Variants in VCAN observed in about 807,000 individuals in gnomAD.
VCAN encodes the protein versican.
A neutral mutation model predicts 245.5 loss-of-function variants in VCAN; 44 were observed. The ratio of observed to expected loss-of-function variants is 0.18; its 90% CI spans 0.14 to 0.23. The LOEUF (loss-of-function observed/expected upper bound fraction) is 0.23. Among genes scored for constraint, VCAN ranks in the 10% least tolerant of loss-of-function variants. The probability of loss-of-function intolerance (pLI) is 1.00; values close to 1 mark genes in which losing one functional copy is unlikely to be tolerated. For synonymous variants in VCAN, 1,413 were observed against 1,437.0 expected, an observed-to-expected ratio of 0.98 and a Z score of 0.38; for missense variants, 3,793 against 4,057.9, an observed-to-expected ratio of 0.93 and a Z score of 1.77.
At position 83,520,631 on chromosome 5, in the gene VCAN, T is replaced by C; in HGVS notation, c.2325T>C (p.Gly775=). The change falls in exon 7 of 15, where the codon GGT becomes GGC. Residue 775 remains glycine (G), a synonymous_variant. Transcript: ENST00000265077. The stretch of plus-strand genomic sequence containing the variant: ...AGGAAGACTTTACAGCAACTCCAGG[T>C]ACTACAAAATATGATGAAAATATTA... ...DMEEDFTATP[G]TTKYDENITT... The C allele has an allele frequency of 6.2e-7, 1 of 1,613,990 alleles. No homozygotes were observed.
chr5:83,566,576 C>T (rs995850667), intron 12 of VCAN, among the ~76,000 whole-genome samples: 2 of 152,144 alleles, frequency 1.3e-5, no homozygotes, highest in African/African-American at 4.8e-5. Context: ...TCCCCACCCA[C>T]CATCATCTTT....
At chr5:83,510,867 C>T (rs1035182885) in intron 5 of VCAN, among the ~76,000 whole-genome samples, 1 of 152,104 alleles carries the variant, frequency 6.6e-6, no homozygotes, top group African/African-American at 2.4e-5. Context: ...ACCAATCTCA[C>T]CACTTTGGGA....
intron 1 of VCAN, among the ~76,000 whole-genome samples, chr5:83,476,982 A>G (rs1254404800): frequency 1.3e-5 from 2 of 152,272 alleles, no homozygotes; most frequent in South Asian, 2.1e-4. Flanking sequence ...GATAAATTAT[A>G]ATCTTTTTAT....
At chr5:83,547,670 A>G (rs1026467381) in intron 9 of VCAN, among the ~76,000 whole-genome samples, 4 of 152,124 alleles carry the variant, frequency 2.6e-5, no homozygotes, top group African/African-American at 4.8e-5. Flanking sequence ...TTTATCAGCA[A>G]TGGAGACAAT....
chr5:83,519,590 C>A lies in VCAN; in HGVS notation c.1284C>A (p.Gly428=), dbSNP rs1448322066. ...CCACCAAATTACCCACACCTACTGG[C>A]AGTACCAAGAAGCCCTGGGATATGG... ...SLATKLPTPT[G]STKKPWDMDD... The change falls in exon 7 of 15, where the codon GGC becomes GGA. Residue 428 remains glycine (G), a synonymous_variant. Transcript: ENST00000265077. 4 of 1,614,012 alleles carry A rather than the reference C, an allele frequency of 2.5e-6. 1 individual carries two copies. The South Asian group carries it at 4.4e-5, about 18-fold the overall frequency.
Position 83,521,848 on chromosome 5 carries a change from G to T in VCAN, c.3542G>T (p.Gly1181Val). 1 of 1,614,076 alleles carries T rather than the reference G, an allele frequency of 6.2e-7. No homozygotes were observed. The highest frequency in any genetic ancestry group is 8.5e-7 in the Non-Finnish European group (1 of 1,180,004). Residue 1181 changes from glycine to valine, a missense_variant, in exon 7 of 15, where the codon GGC (glycine) becomes GTC (valine). Gly to Val is a moderately radical substitution (Grantham distance 109). Transcript: ENST00000265077. ...EKTSLEDIDLGSGLFEKPKAT... is the reference protein window; with the variant it reads ...EKTSLEDIDLVSGLFEKPKAT... ...ACATCCCTAGAGGATATTGATTTAG[G>T]CTCAGGATTATTTGAAAAGCCCAAA...
Position 83,520,633 on chromosome 5 carries a change from C to A in VCAN, c.2327C>A (p.Thr776Asn). 6.2e-7 allele frequency: 1 copy of A among 1,613,940 alleles called. No individual in the cohort carries two copies. The highest frequency in any genetic ancestry group is 1.1e-5 in the South Asian group (1 of 91,076). Reference protein sequence around the residue: ...MEEDFTATPGTTKYDENITTV... With the variant: ...MEEDFTATPGNTKYDENITTV... ...GAAGACTTTACAGCAACTCCAGGTACTACAAAATATGATGAAAATATTACA... is the reference window on the plus strand; with the variant it reads ...GAAGACTTTACAGCAACTCCAGGTAATACAAAATATGATGAAAATATTACA... Residue 776 changes from threonine (T) to asparagine (N), a missense_variant, in exon 7 of 15, where the codon ACT becomes AAT. By Grantham distance (65) the Thr-to-Asn change is moderately conservative. Coordinates refer to ENST00000265077, the MANE Select transcript of VCAN (RefSeq NM_004385.5).
chr5:83,484,781 GA>G (rs1271029217), intron 2 of VCAN, among the ~76,000 whole-genome samples: 8 of 152,284 alleles, frequency 5.3e-5, no homozygotes, highest in East Asian at 1.9e-4. Flanking sequence ...ACATAAAACA[GA>G]GTGACATCAT....
chr5:83,479,359 C>T (rs1186112167), intron 1 of VCAN, among the ~76,000 whole-genome samples: 2 of 151,986 alleles, frequency 1.3e-5, no homozygotes, highest in African/African-American at 4.8e-5. Flanking sequence ...GGAGGCTGCC[C>T]ATCCCTGGTG....
In VCAN at chr5:83,579,688, A is replaced by C. The variant is rs114390252; in HGVS notation, c.9881-292A>C. Among the ~76,000 whole-genome samples, 1,153 of 152,238 alleles carry C rather than the reference A, an allele frequency of 7.6e-3. 21 individuals are homozygous for C. The highest frequency in any genetic ancestry group is 0.027 in the African/African-American group (1,112 of 41,516). On this transcript the variant is annotated intron_variant, in intron 13 of 14. Transcript: ENST00000265077. ...AAGACAGTATGCTTTTTAATTTGGA[A>C]ATTTTGTCAGAATAGTGGCCCTTCC...
Position 83,507,179 on chromosome 5 carries a change from T to C in VCAN, c.749-4924T>C, listed in dbSNP as rs558747412. ...GCTCTAATTACAACTTTGATAATTGTCCTATCAATTTAGCTGCTTTGATGA... is the reference window on the plus strand; with the variant it reads ...GCTCTAATTACAACTTTGATAATTGCCCTATCAATTTAGCTGCTTTGATGA... On this transcript the variant is annotated intron_variant, in intron 5 of 14. Coordinates refer to ENST00000265077, the MANE Select transcript of VCAN (RefSeq NM_004385.5). 4.1e-4 allele frequency among the ~76,000 whole-genome samples: 63 copies of C among 152,346 alleles called. No individual in the cohort carries two copies. In the South Asian group the frequency reaches 4.4e-3, roughly 11 times the overall value.
intron 10 of VCAN, among the ~76,000 whole-genome samples, chr5:83,549,529 A>G (rs368043857): frequency 6.6e-5 from 10 of 152,334 alleles, no homozygotes; most frequent in African/African-American, 2.4e-4. Context: ...GTTTCTCTGA[A>G]TATCTTCACA....
rs73769483 is a variant in VCAN, at chr5:83,578,805, A to G, written c.9881-1175A>G. ...TTTCCACTTAGGGAAAATTATATTT[A>G]AGTTACATTTGTATTAAAGATATAT... On this transcript the variant is annotated intron_variant, in intron 13 of 14. Coordinates refer to ENST00000265077, the MANE Select transcript of VCAN (RefSeq NM_004385.5). Among the ~76,000 whole-genome samples the G allele has an allele frequency of 1.2e-3, 182 of 152,302 alleles. 1 individual carries two copies. Among genetic ancestry groups the G allele is most frequent in the African/African-American group, 3.9e-3 (162 of 41,554 alleles).
chr5:83,502,558 A>G (rs954098501), intron 5 of VCAN, among the ~76,000 whole-genome samples: 4 of 152,248 alleles, frequency 2.6e-5, no homozygotes, highest in Non-Finnish European at 5.9e-5. Context: ...AATGGGAAAG[A>G]ATGAGTCCAA....
At chr5:83,533,283 G>T (rs527277343) in intron 7 of VCAN, among the ~76,000 whole-genome samples, 3 of 152,086 alleles carry the variant, frequency 2.0e-5, no homozygotes, top group Non-Finnish European at 4.4e-5. Flanking sequence ...GGTGGAGAAA[G>T]GAATCCTAAT....
At chr5:83,576,589 A>G (rs183200555) in intron 13 of VCAN, among the ~76,000 whole-genome samples, 1 of 152,242 alleles carries the variant, frequency 6.6e-6, no homozygotes, top group Admixed American at 6.5e-5. Context: ...TATTTCCAGG[A>G]GTGAAGTTGC....
chr5:83,528,067 G>T (rs1314900210), intron 7 of VCAN, among the ~76,000 whole-genome samples: 1 of 152,164 alleles, frequency 6.6e-6, no homozygotes, highest in South Asian at 2.1e-4. Context: ...ATTAAAGGTG[G>T]TCATAAAAGA....
chr5:83,518,246 TA>T (rs948252292), intron 6 of VCAN, among the ~76,000 whole-genome samples: 3 of 149,580 alleles, frequency 2.0e-5, no homozygotes, highest in Non-Finnish European at 3.0e-5. Context: ...ATTTTTATTT[TA>T]AAAAAACAAT....
rs148533391 is a variant in VCAN at position 83,490,824 on chromosome 5, T to G, written c.445+352T>G. Among the ~76,000 whole-genome samples the G allele has an allele frequency of 4.6e-5, 7 of 152,350 alleles. No homozygotes were observed. In the East Asian group the frequency reaches 1.3e-3, roughly 29 times the overall value. ...AGGCGAATCTACATTTTAAAAATTA[T>G]TACATATGTGTGTATGCACATGTAC... On this transcript the variant is annotated intron_variant, in intron 3 of 14. Coordinates refer to ENST00000265077, the MANE Select transcript of VCAN (RefSeq NM_004385.5).
Sources: allele counts gnomAD v4.1 joint callset (sites outside exome capture counted in the v4.1 genomes callset), GRCh38; gene constraint gnomAD v4.1.1; transcripts MANE v1.5; gene names NCBI Gene and HGNC (gene_info 2026-07-23, HGNC 2026-07-21).